The following EML5 variants were observed in gnomAD, a reference collection of about 807,000 sequenced individuals.
EML5 encodes the protein echinoderm microtubule-associated protein-like 5.
Under a neutral mutation model 250.0 loss-of-function variants are expected in EML5, and 120 were observed. That is an observed-to-expected ratio of 0.48 (90% CI 0.41 to 0.56). The LOEUF is 0.56. Among genes scored for constraint, EML5 ranks in the 20% least tolerant of loss-of-function variants. EML5 has a pLI of 0.00. For synonymous variants in EML5, 771 were observed against 806.5 expected (o/e 0.96, Z 0.75); for missense variants, 2,006 against 2,437.6 (o/e 0.82, Z 3.73).
rs771488484 is a variant in EML5 at position 88,618,375 on chromosome 14, G to A, written c.5539-44C>T. 7 of 1,550,578 alleles carry A rather than the reference G, an allele frequency of 4.5e-6. No homozygotes were observed. In the South Asian group the frequency reaches 7.9e-5, roughly 17 times the overall value. On this transcript the variant is annotated intron_variant, in intron 40 of 43. Coordinates refer to ENST00000554922, the MANE Select transcript of EML5 (RefSeq NM_183387.3). ...ATGGGACAAGAATTCCATTAGGTGA[G>A]AGACAAAATCCACAGGGGGTTTACA...
chr14:88,744,113 G>A (rs1159104248), intron 3 of EML5, 22 bp from the exon 4 acceptor site: 3 of 1,492,032 alleles, frequency 2.0e-6, no homozygotes, highest in Non-Finnish European at 2.7e-6. Flanking sequence ...TCAGATTCAT[G>A]ATTAAAATAC....
At chr14:88,771,085 C>T (rs907153579) in intron 1 of EML5, among the ~76,000 whole-genome samples, 1 of 152,190 alleles carries the variant, frequency 6.6e-6, no homozygotes, top group Non-Finnish European at 1.5e-5. Flanking sequence ...CCTCATAAAT[C>T]TCCATTCTTA....
Position 88,704,854 on chromosome 14 carries a change from T to A in EML5, c.2051+6A>T, listed in dbSNP as rs369587147. On this transcript the variant is annotated splice_donor_region_variant and intron_variant, in intron 13 of 43. Coordinates refer to ENST00000554922, the MANE Select transcript of EML5 (RefSeq NM_183387.3). ...AACAAATAAATGAAAGATAGTTGTT[T>A]TATACCCGTGAACAAAGTGTAATCG... is the stretch of plus-strand genomic sequence containing the variant. The A allele has an allele frequency of 6.2e-7, 1 of 1,603,156 alleles. No individual in the cohort carries two copies. The highest frequency in any genetic ancestry group is 8.5e-7 in the Non-Finnish European group (1 of 1,172,898).
At chr14:88,684,043 G>T (rs561681395) in intron 20 of EML5, among the ~76,000 whole-genome samples, 19 of 151,900 alleles carry the variant, frequency 1.3e-4, no homozygotes, top group Admixed American at 1.1e-3. Context: ...ATGACATAAT[G>T]TTGTACACAG....
chr14:88,722,968 CTGTA>C (rs1196786291), intron 8 of EML5, among the ~76,000 whole-genome samples: 1 of 152,104 alleles, frequency 6.6e-6, no homozygotes, highest in African/African-American at 2.4e-5. Context: ...ATTATAGAAT[CTGTA>C]TGTAACACAG....
chr14:88,728,455 C>T (rs1434616658), intron 7 of EML5, among the ~76,000 whole-genome samples: 1 of 152,190 alleles, frequency 6.6e-6, no homozygotes, highest in Non-Finnish European at 1.5e-5. Context: ...GTTTAACATA[C>T]ACTTTGTGCA....
intron 2 of EML5, among the ~76,000 whole-genome samples, chr14:88,751,409 G>T (rs2094092163): frequency 6.6e-6 from 1 of 152,182 alleles, no homozygotes; most frequent in African/African-American, 2.4e-5. Context: ...GTGCTTTCAA[G>T]AGAGTGCCAG....
In EML5 at chr14:88,649,937, A is replaced by T; in HGVS notation, c.4005-11T>A. ...CTTACTACTCCCTGCCTTCAAAAGGAGCAAGGGGGAAAAAAGTAGGAAAAC... is the reference window on the plus strand; with the variant it reads ...CTTACTACTCCCTGCCTTCAAAAGGTGCAAGGGGGAAAAAAGTAGGAAAAC... On this transcript the variant is annotated splice_polypyrimidine_tract_variant and intron_variant, in intron 27 of 43. Transcript: ENST00000554922. The T allele has an allele frequency of 6.8e-7, 1 of 1,478,184 alleles. No individual in the cohort carries two copies. Among genetic ancestry groups the T allele is most frequent in the Non-Finnish European group, 9.0e-7 (1 of 1,115,682 alleles). The allele number at this position is 1,478,184 out of a possible 1,614,324, so 91.6% of individuals were successfully genotyped here.
chr14:88,641,812 A>G (rs559396918), intron 31 of EML5, among the ~76,000 whole-genome samples: 5 of 152,156 alleles, frequency 3.3e-5, no homozygotes, highest in Non-Finnish European at 7.4e-5. Flanking sequence ...ACACCCCACC[A>G]CTAGAAAAGT....
chr14:88,765,432 T>C (rs1196363375), intron 1 of EML5, among the ~76,000 whole-genome samples: 2 of 152,156 alleles, frequency 1.3e-5, no homozygotes, highest in East Asian at 3.9e-4. Context: ...CTCATGATGT[T>C]ACCACCTCCA....
chr14:88,771,773 C>T (rs979680427), intron 1 of EML5, among the ~76,000 whole-genome samples: 3 of 152,134 alleles, frequency 2.0e-5, no homozygotes, highest in Admixed American at 1.3e-4. Flanking sequence ...AACTGACCAC[C>T]CACGTTTTTG....
At position 88,792,332 on chromosome 14, in the gene EML5, G is replaced by T; in HGVS notation, c.172C>A (p.Arg58=). 1 of 1,564,164 alleles carries T rather than the reference G, an allele frequency of 6.4e-7. No individual in the cohort carries two copies. Among genetic ancestry groups the T allele is most frequent in the Non-Finnish European group, 8.6e-7 (1 of 1,156,362 alleles). The change falls in exon 1 of 44, where the codon CGG becomes AGG. Residue 58 remains arginine (R), a synonymous_variant. Coordinates refer to ENST00000554922, the MANE Select transcript of EML5 (RefSeq NM_183387.3). The surrounding 1 kb of genome is among the most constrained non-coding windows in gnomAD (Gnocchi z 6.9). ...SPREHRQKFY[R]GHSDDIISLA... ...CTGATGATGTCGTCGCTGTGGCCCCGGTAGAACTTCTGCCTGTGCTCCCGC... is the reference window on the plus strand; with the variant it reads ...CTGATGATGTCGTCGCTGTGGCCCCTGTAGAACTTCTGCCTGTGCTCCCGC...
At chr14:88,737,004 C>T (rs957128834) in intron 6 of EML5, among the ~76,000 whole-genome samples, 3 of 152,154 alleles carry the variant, frequency 2.0e-5, no homozygotes, top group African/African-American at 7.2e-5. Flanking sequence ...TACCTGACTT[C>T]ACCCCATCTC....
intron 1 of EML5, among the ~76,000 whole-genome samples, chr14:88,783,695 A>G (rs1222970548): frequency 2.6e-5 from 4 of 152,248 alleles, no homozygotes; most frequent in Non-Finnish European, 5.9e-5. Flanking sequence ...AGAGAGAGAC[A>G]GGCCCCAATA....
intron 14 of EML5, among the ~76,000 whole-genome samples, chr14:88,701,558 A>T (rs984637379): frequency 3.9e-5 from 6 of 152,200 alleles, no homozygotes; most frequent in African/African-American, 1.4e-4. Flanking sequence ...GAGAAAGAGC[A>T]AGTAAGGAGA....
chr14:88,687,374 T>A, intron 18 of EML5, 47 bp from the exon 19 acceptor site: 2 of 1,314,974 alleles, frequency 1.5e-6, no homozygotes, highest in South Asian at 1.4e-5. Flanking sequence ...AAATATTTTT[T>A]AAAATAGTAA....
chr14:88,638,474 C>T (rs2090864342), intron 32 of EML5, among the ~76,000 whole-genome samples: 1 of 152,198 alleles, frequency 6.6e-6, no homozygotes, highest in Non-Finnish European at 1.5e-5. Context: ...TTACTACTTC[C>T]TCTTCAAACT....
At chr14:88,703,461 CCAAGA>C in intron 13 of EML5, among the ~76,000 whole-genome samples, 1 of 152,096 alleles carries the variant, frequency 6.6e-6, no homozygotes, top group Non-Finnish European at 1.5e-5. Flanking sequence ...TTATCCTCAT[CCAAGA>C]CAAAGTAGTC....
intron 28 of EML5, 92 bp downstream of exon 28, chr14:88,649,820 G>A: frequency 9.4e-7 from 1 of 1,067,660 alleles, no homozygotes. Flanking sequence ...GTAGTTAAAT[G>A]TTTTATAGGG....
Sources: gnomAD v4.1 joint callset for allele counts (sites outside exome capture counted in the v4.1 genomes callset) on GRCh38, gnomAD v4.1.1 for gene constraint, Gnocchi (gnomAD v3.1) non-coding constraint, MANE v1.5 for transcripts, NCBI Gene and HGNC (gene_info 2026-07-23, HGNC 2026-07-21) for gene names.